The following EPB41L4A variants were observed in gnomAD, a reference collection of about 807,000 sequenced individuals.
EPB41L4A encodes band 4.1-like protein 4A.
In EPB41L4A, 100 loss-of-function variants were observed where a neutral mutation model predicts 108.6. The observed-to-expected ratio is 0.92, with a 90% confidence interval of 0.78 to 1.09. EPB41L4A has a LOEUF of 1.09. EPB41L4A is among the 50% of genes least tolerant of loss of function. The pLI is 0.00. For synonymous variants in EPB41L4A, 319 were observed against 289.0 expected (o/e 1.10, Z -1.05); for missense variants, 1,030 against 842.7 (o/e 1.22, Z -2.75).
At chr5:112,293,690 G>A (rs548534647) in intron 2 of EPB41L4A, among the ~76,000 whole-genome samples, 1 of 152,266 alleles carries the variant, frequency 6.6e-6, no homozygotes, top group East Asian at 1.9e-4. Context: ...TGCTTTTCCC[G>A]ATGCCGCAGT....
intron 12 of EPB41L4A, among the ~76,000 whole-genome samples, chr5:112,227,434 C>A (rs2150349636): frequency 6.6e-6 from 1 of 152,260 alleles, no homozygotes; most frequent in Non-Finnish European, 1.5e-5. Flanking sequence ...GTGTACCAAG[C>A]CTCTACAAGT....
chr5:112,182,896 AAT>A (rs1761228752), intron 18 of EPB41L4A, among the ~76,000 whole-genome samples: 1 of 151,464 alleles, frequency 6.6e-6, no homozygotes, highest in African/African-American at 2.5e-5. Context: ...GCTAAAAAAA[AAT>A]TACAGAGTAA....
intron 1 of EPB41L4A, among the ~76,000 whole-genome samples, chr5:112,405,097 C>A (rs1055842078): frequency 6.6e-6 from 1 of 152,188 alleles, no homozygotes; most frequent in African/African-American, 2.4e-5. Flanking sequence ...GCAGAAATGA[C>A]AGGATGTTAT....
At position 112,339,410 on chromosome 5, in the gene EPB41L4A, A is replaced by G. The variant is rs139613338; in HGVS notation, c.100-31920T>C. ...ATAACACACATAAATCTAAGTAGCT[A>G]ACAATACAGTAACAAATAAATATAT... On this transcript the variant is annotated intron_variant, in intron 1 of 22. Transcript: ENST00000261486. Among the ~76,000 whole-genome samples the G allele has an allele frequency of 3.7e-3, 564 of 151,138 alleles. 4 individuals are homozygous for G. Among genetic ancestry groups the G allele is most frequent in the African/African-American group, 0.013 (517 of 41,234 alleles).
intron 18 of EPB41L4A, among the ~76,000 whole-genome samples, chr5:112,177,134 A>G (rs1760909736): frequency 6.6e-6 from 1 of 152,164 alleles, no homozygotes; most frequent in Non-Finnish European, 1.5e-5. Context: ...CTTTGGCCGT[A>G]TCAGCTGAGA....
intron 12 of EPB41L4A, among the ~76,000 whole-genome samples, chr5:112,155,167 G>A (rs1759604877): frequency 6.6e-6 from 1 of 152,060 alleles, no homozygotes; most frequent in South Asian, 2.1e-4. Flanking sequence ...AAGAGAAAAA[G>A]AGGAATAGTT....
At position 112,407,973 on chromosome 5, in the gene EPB41L4A, T is replaced by C. The variant is rs369314566; in HGVS notation, c.99+10968A>G. On this transcript the variant is annotated intron_variant, in intron 1 of 22. Coordinates refer to ENST00000261486, the MANE Select transcript of EPB41L4A (RefSeq NM_022140.5). ...AATTTTTCTCAAAATATTAAATGTTTTTAACTAGGAATGTTTTCTCTGTTG... is the reference window on the plus strand; with the variant it reads ...AATTTTTCTCAAAATATTAAATGTTCTTAACTAGGAATGTTTTCTCTGTTG... Among the ~76,000 whole-genome samples, 14 of 152,214 alleles carry C rather than the reference T, an allele frequency of 9.2e-5. No homozygotes were observed. The East Asian group carries it at 1.7e-3, about 19-fold the overall frequency.
chr5:112,164,728 G>C lies in EPB41L4A; in HGVS notation c.*262C>G, dbSNP rs368084869. On this transcript the variant is annotated 3_prime_UTR_variant, in exon 23 of 23. Transcript: ENST00000261486. Reference sequence around the variant, plus strand: ...TGCACGCCTGTAATCCCAGCTGCTCGGGAGCCTGAGACAGGAGAATCGCTT... The same window carrying C: ...TGCACGCCTGTAATCCCAGCTGCTCCGGAGCCTGAGACAGGAGAATCGCTT... The C allele has an allele frequency of 2.9e-5, 7 of 239,144 alleles. No homozygotes were observed. The highest frequency in any genetic ancestry group is 4.8e-5 in the Non-Finnish European group (6 of 125,150). The allele number at this position is 239,144 out of a possible 1,614,324, so 14.8% of individuals were successfully genotyped here.
intron 2 of EPB41L4A, among the ~76,000 whole-genome samples, chr5:112,281,407 A>G (rs1752955730): frequency 6.6e-6 from 1 of 152,250 alleles, no homozygotes; most frequent in Non-Finnish European, 1.5e-5. Flanking sequence ...TGGGAAGAGC[A>G]GGGCAGAAGC....
chr5:112,308,614 C>G (rs1754843369), intron 1 of EPB41L4A, among the ~76,000 whole-genome samples: 1 of 152,100 alleles, frequency 6.6e-6, no homozygotes, highest in African/African-American at 2.4e-5. Context: ...AATTTATAAA[C>G]AAAAAGCCCT....
chr5:112,314,806 A>G (rs1232270057), intron 1 of EPB41L4A, among the ~76,000 whole-genome samples: 1 of 152,138 alleles, frequency 6.6e-6, no homozygotes, highest in Non-Finnish European at 1.5e-5. Context: ...AAAAAAAGAA[A>G]AAGACATGCA....
chr5:112,223,365 A>T (rs896695734), intron 12 of EPB41L4A, among the ~76,000 whole-genome samples: 6 of 152,180 alleles, frequency 3.9e-5, no homozygotes, highest in African/African-American at 1.4e-4. Flanking sequence ...ACTTATGGCC[A>T]AACAGAGCCA....
chr5:112,276,627 T>C (rs957955031), intron 3 of EPB41L4A, among the ~76,000 whole-genome samples: 16 of 152,352 alleles, frequency 1.1e-4, no homozygotes, highest in African/African-American at 3.8e-4. Flanking sequence ...AGTAAAAGTC[T>C]TCGATACTAT....
chr5:112,304,237 G>A (rs1164835558), intron 2 of EPB41L4A, among the ~76,000 whole-genome samples: 1 of 152,144 alleles, frequency 6.6e-6, no homozygotes, highest in East Asian at 1.9e-4. Context: ...AATTCTCAAT[G>A]CCACGTTGAT....
chr5:112,344,089 T>A (rs1377436850), intron 1 of EPB41L4A, among the ~76,000 whole-genome samples: 1 of 152,138 alleles, frequency 6.6e-6, no homozygotes, highest in African/African-American at 2.4e-5. Context: ...GATTTGATAT[T>A]TGATAATATT....
chr5:112,290,952 T>C (rs1208773500), intron 2 of EPB41L4A, among the ~76,000 whole-genome samples: 1 of 152,194 alleles, frequency 6.6e-6, no homozygotes, highest in Non-Finnish European at 1.5e-5. Flanking sequence ...CCTTCTCATC[T>C]GCAATTACAG....
At chr5:112,178,538 A>C (rs1760987314) in intron 18 of EPB41L4A, among the ~76,000 whole-genome samples, 1 of 152,144 alleles carries the variant, frequency 6.6e-6, no homozygotes, top group African/African-American at 2.4e-5. Flanking sequence ...CTAGGCCTTA[A>C]AACAAGTCTC....
At chr5:112,143,215 T>C (rs1305829316) in exon 14 of EPB41L4A, 1 of 152,166 alleles carries the variant, frequency 6.6e-6, no homozygotes, top group African/African-American at 2.4e-5. Context: ...GTTAAACAAA[T>C]TATTGTTTCA....
At chr5:112,152,779 T>A (rs1711784637) in intron 12 of EPB41L4A, among the ~76,000 whole-genome samples, 1 of 151,826 alleles carries the variant, frequency 6.6e-6, no homozygotes, top group African/African-American at 2.4e-5. Flanking sequence ...TACACACCAA[T>A]AAAAGTTCAT....
Sources: allele counts gnomAD v4.1 joint callset (sites outside exome capture counted in the v4.1 genomes callset), GRCh38; gene constraint gnomAD v4.1.1; transcripts MANE v1.5; gene names NCBI Gene and HGNC (gene_info 2026-07-23, HGNC 2026-07-21).